Variants in LARS2 observed in about 807,000 individuals in gnomAD.
The protein encoded by LARS2 is leucine--tRNA ligase, mitochondrial.
A neutral mutation model predicts 116.6 loss-of-function variants in LARS2; 81 were observed. The ratio of observed to expected loss-of-function variants is 0.69; its 90% confidence interval spans 0.58 to 0.84. LARS2 has a LOEUF of 0.84. Ranked by LOEUF, LARS2 falls within the 40% of genes least tolerant of loss-of-function variation. The pLI is 0.00. For synonymous variants in LARS2, 396 were observed against 407.2 expected, an observed-to-expected ratio of 0.97 and a Z score of 0.33; for missense variants, 968 against 1,114.5, an observed-to-expected ratio of 0.87 and a Z score of 1.87.
intron 21 of LARS2, among the ~76,000 whole-genome samples, chr3:45,544,683 G>A (rs1388172641): frequency 1.3e-5 from 2 of 152,190 alleles, no homozygotes; most frequent in Admixed American, 6.5e-5. Flanking sequence ...ATAACTCACT[G>A]AAGGTCACAC....
intron 4 of LARS2, among the ~76,000 whole-genome samples, chr3:45,401,275 G>A (rs1698143953): frequency 6.6e-6 from 1 of 152,140 alleles, no homozygotes; most frequent in Non-Finnish European, 1.5e-5. Flanking sequence ...GCCCAGGCAG[G>A]AGGATTACTT....
Position 45,412,606 on chromosome 3 carries a change from C to G in LARS2, c.364-4876C>G, listed in dbSNP as rs887487322. On this transcript the variant is annotated intron_variant, in intron 4 of 21. Transcript: ENST00000645846. ...TATGTAAAAAGAAAAGCAGCCTATTCTGATTGACCTCAGGATGGGTGTGGA... is the reference window on the plus strand; with the variant it reads ...TATGTAAAAAGAAAAGCAGCCTATTGTGATTGACCTCAGGATGGGTGTGGA... Among the ~76,000 whole-genome samples the G allele has an allele frequency of 2.0e-5, 3 of 152,162 alleles. No individual in the cohort carries two copies. The East Asian group carries it at 5.8e-4, about 29-fold the overall frequency.
At chr3:45,400,165 T>C (rs1252033034) in intron 3 of LARS2, 80 bp from the exon 4 acceptor site, 2 of 1,249,152 alleles carry the variant, frequency 1.6e-6, no homozygotes, top group Non-Finnish European at 2.2e-6. Flanking sequence ...TATTACTTTG[T>C]GTAAAATGCC....
chr3:45,496,708 C>A (rs1454979312), intron 14 of LARS2, among the ~76,000 whole-genome samples: 1 of 152,188 alleles, frequency 6.6e-6, no homozygotes, highest in Admixed American at 6.5e-5. Flanking sequence ...TGCTCCAGCC[C>A]CTCCCTCTAC....
At chr3:45,494,176 A>C (rs1418075926) in intron 13 of LARS2, among the ~76,000 whole-genome samples, 2 of 152,062 alleles carry the variant, frequency 1.3e-5, no homozygotes, top group Non-Finnish European at 2.9e-5. Flanking sequence ...ATTAAAATGC[A>C]GGGGGTCCCA....
intron 3 of LARS2, among the ~76,000 whole-genome samples, chr3:45,395,359 C>T (rs747111956): frequency 3.9e-4 from 59 of 152,328 alleles, no homozygotes; most frequent in Admixed American, 3.3e-3. Flanking sequence ...GGCACTCTAC[C>T]TGAATTAATG....
chr3:45,430,128 C>T (rs1340219944), intron 6 of LARS2, among the ~76,000 whole-genome samples: 23 of 148,788 alleles, frequency 1.5e-4, no homozygotes, highest in South Asian at 2.2e-4. Flanking sequence ...CCTGCCACCA[C>T]GCCTGGCCAA....
At chr3:45,525,252 GTT>G (rs1431212320) in intron 20 of LARS2, among the ~76,000 whole-genome samples, 1 of 152,162 alleles carries the variant, frequency 6.6e-6, no homozygotes, top group Non-Finnish European at 1.5e-5. Flanking sequence ...AAGCGAATCT[GTT>G]TTATTTCGCT....
rs924124514 is a variant in LARS2 at position 45,543,082 on chromosome 3, G to C, written c.2532+1126G>C. On this transcript the variant is annotated intron_variant, in intron 21 of 21. Transcript: ENST00000645846. The stretch of plus-strand genomic sequence containing the variant: ...AAGACAATATTTTGCCCAGGAGACC[G>C]GGCTCCTTCACAGCCCCTTTGTCTC... Among the ~76,000 whole-genome samples, 3 of 152,112 alleles carry C rather than the reference G, an allele frequency of 2.0e-5. No homozygotes were observed. The South Asian group carries it at 6.2e-4, about 31-fold the overall frequency.
intron 17 of LARS2, among the ~76,000 whole-genome samples, 181 bp from the exon 18 acceptor site, chr3:45,517,722 G>A (rs1239371885): frequency 1.3e-5 from 2 of 152,180 alleles, no homozygotes; most frequent in Non-Finnish European, 2.9e-5. Context: ...AATTGGTCCT[G>A]GTCTGAATTC....
Position 45,547,588 on chromosome 3 carries a change from G to T in LARS2, c.*58G>T. ...CTGAGGAACCTCCTTCCAGGCCTGGGATGAGGGGGCGATGTCTGCTGGCCC... is the reference window on the plus strand; with the variant it reads ...CTGAGGAACCTCCTTCCAGGCCTGGTATGAGGGGGCGATGTCTGCTGGCCC... On this transcript the variant is annotated 3_prime_UTR_variant, in exon 22 of 22. Transcript: ENST00000645846. 1 of 1,456,498 alleles carries T rather than the reference G, an allele frequency of 6.9e-7. No individual in the cohort carries two copies. The highest frequency in any genetic ancestry group is 9.4e-7 in the Non-Finnish European group (1 of 1,068,442). The allele number at this position is 1,456,498 out of a possible 1,614,324, so 90.2% of individuals were successfully genotyped here.
intron 3 of LARS2, among the ~76,000 whole-genome samples, chr3:45,396,399 GA>G (rs1698046174): frequency 6.6e-6 from 1 of 152,202 alleles, no homozygotes; most frequent in Non-Finnish European, 1.5e-5. Context: ...GAATTGTTTT[GA>G]AAATCAAATG....
intron 6 of LARS2, among the ~76,000 whole-genome samples, chr3:45,430,810 C>A (rs144187972): frequency 2.0e-5 from 3 of 151,546 alleles, no homozygotes; most frequent in Non-Finnish European, 2.9e-5. Flanking sequence ...TGGTCTCGAT[C>A]CCCTGACCTC....
chr3:45,535,286 G>T (rs555226053), intron 20 of LARS2, among the ~76,000 whole-genome samples: 13 of 151,976 alleles, frequency 8.6e-5, no homozygotes, highest in Non-Finnish European at 1.5e-4. Context: ...CTGGGAGGTG[G>T]AGGTTGCAGT....
intron 6 of LARS2, among the ~76,000 whole-genome samples, chr3:45,432,552 T>TA (rs1395611700): frequency 1.3e-5 from 2 of 151,962 alleles, no homozygotes; most frequent in African/African-American, 4.8e-5. Context: ...ACAAATGGAT[T>TA]AAAAAATCAC....
chr3:45,400,987 G>A (rs556140057), intron 4 of LARS2, among the ~76,000 whole-genome samples: 7 of 151,898 alleles, frequency 4.6e-5, no homozygotes, highest in African/African-American at 7.2e-5. Context: ...CTAATTTTTT[G>A]TATTTTTAGT....
At position 45,400,228 on chromosome 3, in the gene LARS2, T is replaced by C; in HGVS notation, c.235-17T>C. 1 of 1,610,920 alleles carries C rather than the reference T, an allele frequency of 6.2e-7. No individual in the cohort carries two copies. The highest frequency in any genetic ancestry group is 8.5e-7 in the Non-Finnish European group (1 of 1,178,354). On this transcript the variant is annotated splice_polypyrimidine_tract_variant and intron_variant, in intron 3 of 21. Coordinates refer to ENST00000645846, the MANE Select transcript of LARS2 (RefSeq NM_015340.4). ...CCAGAAAATGCTTAATAAATACTCA[T>C]TGTCGTTCTTTCCTAGAAATCGAAG...
intron 16 of LARS2, among the ~76,000 whole-genome samples, chr3:45,513,628 T>C (rs1355671278): frequency 3.9e-5 from 6 of 152,118 alleles, no homozygotes; most frequent in African/African-American, 1.4e-4. Context: ...CCCAACATGT[T>C]CTAGTGGCAC....
chr3:45,537,652 C>T (rs1399961334), intron 20 of LARS2, among the ~76,000 whole-genome samples: 2 of 152,192 alleles, frequency 1.3e-5, no homozygotes, highest in African/African-American at 4.8e-5. Context: ...GCCAAGGCTA[C>T]ATGAGGCATA....
Sources: allele counts gnomAD v4.1 joint callset (sites outside exome capture counted in the v4.1 genomes callset), GRCh38; gene constraint gnomAD v4.1.1; transcripts MANE v1.5; gene names NCBI Gene and HGNC (gene_info 2026-07-23, HGNC 2026-07-21).